RASA1: variants seen among roughly 807,000 people sequenced by gnomAD.
RASA1 encodes the protein ras GTPase-activating protein 1.
Under a neutral mutation model 132.2 loss-of-function variants are expected in RASA1, and 25 were observed. The ratio of observed to expected loss-of-function variants is 0.19; its 90% CI spans 0.14 to 0.26. The LOEUF (loss-of-function observed/expected upper bound fraction) is 0.26, where lower values mean the gene tolerates loss of function less well. Among genes scored for constraint, RASA1 ranks in the 10% least tolerant of loss-of-function variants. The pLI is 1.00. For missense variants in RASA1, 964 were observed against 1,299.2 expected (o/e 0.74, Z 3.97); for synonymous variants, 477 against 449.9 (o/e 1.06, Z -0.76).
intron 1 of RASA1, among the ~76,000 whole-genome samples, chr5:87,282,782 G>T (rs999994279): frequency 6.6e-6 from 1 of 151,716 alleles, no homozygotes; most frequent in African/African-American, 2.4e-5. Context: ...TGATCTGTTG[G>T]TCCTCAAGTT....
chr5:87,374,877 C>CT lies in RASA1; in HGVS notation c.1974dup (p.Ser659Ter). 6.2e-7 allele frequency: 1 copy of CT among 1,608,258 alleles called. No homozygotes were observed. Among genetic ancestry groups the CT allele is most frequent in the Non-Finnish European group, 8.5e-7 (1 of 1,177,308 alleles). The stretch of plus-strand genomic sequence containing the variant: ...TGACATCAATAGATTTGAAATAACT[C>CT]TTAGTAATAAAACAAAGAAAAGCAA... On this transcript the variant is annotated frameshift_variant, in exon 15 of 25. Coordinates refer to ENST00000274376, the MANE Select transcript of RASA1 (RefSeq NM_002890.3). LOFTEE classifies it high-confidence loss of function.
At chr5:87,356,726 C>T (rs1428168039) in intron 9 of RASA1, among the ~76,000 whole-genome samples, 1 of 152,144 alleles carries the variant, frequency 6.6e-6, no homozygotes, top group East Asian at 1.9e-4. Context: ...CATTGTTAGA[C>T]ATAATGCTAT....
chr5:87,376,662 C>G, intron 16 of RASA1, 97 bp downstream of exon 16: 1 of 1,420,900 alleles, frequency 7.0e-7, no homozygotes, highest in Non-Finnish European at 9.8e-7. Context: ...TAATTCATAG[C>G]TTAGTAGCAC....
chr5:87,306,269 A>G (rs1171749177), intron 1 of RASA1, among the ~76,000 whole-genome samples: 1 of 152,222 alleles, frequency 6.6e-6, no homozygotes, highest in Non-Finnish European at 1.5e-5. Flanking sequence ...CATATATACC[A>G]TGGAATACTA....
intron 1 of RASA1, among the ~76,000 whole-genome samples, chr5:87,320,987 G>A (rs1756753253): frequency 6.6e-6 from 1 of 152,208 alleles, no homozygotes; most frequent in Non-Finnish European, 1.5e-5. Context: ...TTATTGAATA[G>A]CAATTTGTAC....
In RASA1 at chr5:87,334,469, A is replaced by G. The variant is rs543506786; in HGVS notation, c.899+1132A>G. 7.2e-5 allele frequency among the ~76,000 whole-genome samples: 11 copies of G among 152,302 alleles called. No individual in the cohort carries two copies. The East Asian group carries it at 1.5e-3, about 21-fold the overall frequency. On this transcript the variant is annotated intron_variant, in intron 4 of 24. Coordinates refer to ENST00000274376, the MANE Select transcript of RASA1 (RefSeq NM_002890.3). ...CCTCACAGAGAAACCCAGAAATATA[A>G]TGTTTAATCTGGGAACCCTATGGCC...
intron 24 of RASA1, among the ~76,000 whole-genome samples, 155 bp from the exon 25 acceptor site, chr5:87,390,645 A>G (rs920814962): frequency 2.6e-5 from 4 of 152,138 alleles, no homozygotes; most frequent in Non-Finnish European, 4.4e-5. Context: ...TACTCAGCCA[A>G]TGACTGAATA....
chr5:87,377,753 C>G (rs796272346), intron 17 of RASA1, among the ~76,000 whole-genome samples: 2 of 152,250 alleles, frequency 1.3e-5, no homozygotes, highest in Admixed American at 1.3e-4. Flanking sequence ...CCACCCTCCC[C>G]CTGGCCCACA....
Position 87,376,520 on chromosome 5 carries a change from T to C in RASA1, c.2139T>C (p.Ser713=), listed in dbSNP as rs202220195. 2 of 1,613,936 alleles carry C rather than the reference T, an allele frequency of 1.2e-6. No individual in the cohort carries two copies. Among genetic ancestry groups the C allele is most frequent in the East Asian group, 2.2e-5 (1 of 44,852 alleles). The part of the protein sequence containing the change: ...PGSLRVRARY[S]MEKIMPEEEY... ...CCCTGCGTGTTCGAGCACGATACTC[T>C]ATGGAAAAAATCATGCCAGAAGAAG... The change falls in exon 16 of 25, where the codon TCT becomes TCC. Residue 713 remains serine, a synonymous_variant. Coordinates refer to ENST00000274376, the MANE Select transcript of RASA1 (RefSeq NM_002890.3).
chr5:87,360,895 C>T (rs1276541356), intron 9 of RASA1, among the ~76,000 whole-genome samples: 1 of 152,004 alleles, frequency 6.6e-6, no homozygotes, highest in African/African-American at 2.4e-5. Context: ...TTCTCTTTAT[C>T]ATTTATGAGC....
chr5:87,318,173 A>T (rs987283025), intron 1 of RASA1, among the ~76,000 whole-genome samples: 1 of 152,184 alleles, frequency 6.6e-6, no homozygotes, highest in Admixed American at 6.5e-5. Context: ...AGCTTCTATT[A>T]TAACCCCCAC....
intron 1 of RASA1, among the ~76,000 whole-genome samples, chr5:87,308,269 T>C (rs1011012086): frequency 5.9e-5 from 9 of 151,630 alleles, no homozygotes; most frequent in African/African-American, 2.2e-4. Flanking sequence ...GTGACCACAA[T>C]ATGCAAATAA....
chr5:87,385,455 A>G, intron 22 of RASA1, 66 bp downstream of exon 22: 2 of 1,224,672 alleles, frequency 1.6e-6, no homozygotes, highest in South Asian at 2.5e-5. Flanking sequence ...AAAACCATAA[A>G]TTGTGGCTTA....
chr5:87,381,850 A>G (rs1171213585), intron 20 of RASA1, among the ~76,000 whole-genome samples: 1 of 152,198 alleles, frequency 6.6e-6, no homozygotes. Flanking sequence ...ATTTTTGCCA[A>G]GGTTAGGTTT....
chr5:87,289,766 A>G (rs1754834181), intron 1 of RASA1, among the ~76,000 whole-genome samples: 1 of 152,102 alleles, frequency 6.6e-6, no homozygotes, highest in Non-Finnish European at 1.5e-5. Context: ...GCATGCCACC[A>G]TGCCCAGCTA....
chr5:87,276,188 T>G (rs980325008), intron 1 of RASA1, among the ~76,000 whole-genome samples: 1 of 152,180 alleles, frequency 6.6e-6, no homozygotes, highest in African/African-American at 2.4e-5. Flanking sequence ...GAGTTCTTCC[T>G]TCAGGCCCAG....
At chr5:87,387,431 G>C (rs1285560790) in intron 23 of RASA1, among the ~76,000 whole-genome samples, 1 of 152,104 alleles carries the variant, frequency 6.6e-6, no homozygotes, top group Non-Finnish European at 1.5e-5. Context: ...TTACGAATGA[G>C]GGTATTTTAT....
At chr5:87,365,120 G>A (rs1165138823) in intron 11 of RASA1, among the ~76,000 whole-genome samples, 1 of 152,132 alleles carries the variant, frequency 6.6e-6, no homozygotes, top group African/African-American at 2.4e-5. Context: ...ATTCTTGGAG[G>A]ATGGGTATGA....
intron 11 of RASA1, among the ~76,000 whole-genome samples, chr5:87,369,375 AATG>A (rs1411831336): frequency 1.3e-5 from 2 of 152,134 alleles, no homozygotes; most frequent in African/African-American, 4.8e-5. Flanking sequence ...GGTGAAGAAA[AATG>A]ATCAGTTTAG....
Sources: gnomAD v4.1 joint callset for allele counts (sites outside exome capture counted in the v4.1 genomes callset) on GRCh38, gnomAD v4.1.1 for gene constraint, MANE v1.5 for transcripts, NCBI Gene and HGNC (gene_info 2026-07-23, HGNC 2026-07-21) for gene names.